The following H2BC18 variants were observed in gnomAD, a reference collection of about 807,000 sequenced individuals.
H2BC18 encodes the protein histone H2B type 2-F.
In H2BC18, 8 loss-of-function variants were observed where a neutral mutation model predicts 6.3. The ratio of observed to expected loss-of-function variants is 1.28; its 90% CI spans 0.75 to 2.31. The LOEUF (loss-of-function observed/expected upper bound fraction) is 2.31, where lower values mean the gene tolerates loss of function less well. Ranked by LOEUF, H2BC18 falls within the 30% of genes most tolerant of loss-of-function variation. H2BC18 has a pLI of 0.00. For synonymous variants in H2BC18, 104 were observed against 78.1 expected, an observed-to-expected ratio of 1.33 and a Z score of -1.75; for missense variants, 106 against 174.5, an observed-to-expected ratio of 0.61 and a Z score of 2.21.
intron 1 of H2BC18, chr1:149,792,747 C>A (rs2091743288): frequency 7.8e-7 from 1 of 1,283,950 alleles, no homozygotes; most frequent in Non-Finnish European, 1.0e-6. Flanking sequence ...CCGCCAAAAC[C>A]CAGTGAGAAA....
chr1:149,809,667 A>C (rs2091953905), downstream of H2BC18, among the ~76,000 whole-genome samples: 1 of 143,858 alleles, frequency 7.0e-6, no homozygotes. Context: ...AAAAACAAGA[A>C]AAAGAAATTG....
chr1:149,784,184 T>A, intron 1 of H2BC18: 1 of 1,611,434 alleles, frequency 6.2e-7, no homozygotes, highest in Non-Finnish European at 8.5e-7. Flanking sequence ...CCAGTGTCAA[T>A]GACAGTGGTG....
chr1:149,812,195 G>C lies in H2BC18; in HGVS notation c.129C>G (p.Tyr43Ter), dbSNP rs2457472. The change falls in exon 1 of 1, where the codon TAC becomes TAG. Residue 43 changes from tyrosine (Y) to a stop codon, truncating the protein, a stop_gained. Transcript: ENST00000369167. LOFTEE classifies it high-confidence loss of function. Reference sequence around the variant, plus strand: ...CGGGGTGGACCTGCTTCAGCACCTTGTACACGTAAACGGAGTAGCTCTCCT... The same window carrying C: ...CGGGGTGGACCTGCTTCAGCACCTTCTACACGTAAACGGAGTAGCTCTCCT... ...SRKESYSVYVYKVLKQVHPDT... is the reference protein window; with the variant it reads ...SRKESYSVYV 1.2e-6 allele frequency: 2 copies of C among 1,614,162 alleles called. No homozygotes were observed. The highest frequency in any genetic ancestry group is 2.2e-5 in the East Asian group (1 of 44,896).
At chr1:149,801,882 C>T (rs1280919319) in intron 1 of H2BC18, among the ~76,000 whole-genome samples, 2 of 152,072 alleles carry the variant, frequency 1.3e-5, no homozygotes, top group Admixed American at 1.3e-4. Flanking sequence ...TCCCCCCTCC[C>T]CACTATAAAT....
downstream of H2BC18, among the ~76,000 whole-genome samples, chr1:149,807,610 A>G (rs1264049050): frequency 2.7e-5 from 4 of 149,984 alleles, no homozygotes; most frequent in Non-Finnish European, 5.9e-5. Flanking sequence ...GTTCGAGACC[A>G]GCCTGGCCAA....
chr1:149,806,359 G>A (rs587649387), intron 1 of H2BC18, among the ~76,000 whole-genome samples: 61 of 152,276 alleles, frequency 4.0e-4, no homozygotes, highest in African/African-American at 9.9e-4. Flanking sequence ...TTGGGAGGCC[G>A]AGGTGGGTGG....
chr1:149,812,116 T>C lies in H2BC18; in HGVS notation c.208A>G (p.Ile70Val), dbSNP rs782297836. 17 of 1,614,252 alleles carry C rather than the reference T, an allele frequency of 1.1e-5. No homozygotes were observed. The Admixed American group carries it at 2.2e-4, about 21-fold the overall frequency. ...MGIMNSFVND[I>V]FERIAGEASR... ...GCCTCTCCCGCGATGCGCTCGAAGA[T>C]GTCGTTGACGAAGGAGTTCATGATG... Residue 70 changes from isoleucine (I) to valine (V), a missense_variant, in exon 1 of 1, where the codon ATC becomes GTC. Physicochemically the swap from Ile to Val is conservative, Grantham distance 29 (BLOSUM62 3). Coordinates refer to ENST00000369167, the MANE Select transcript of H2BC18 (RefSeq NM_001024599.5).
At chr1:149,802,215 T>C (rs2788795) in intron 1 of H2BC18, among the ~76,000 whole-genome samples, 32 of 152,162 alleles carry the variant, frequency 2.1e-4, no homozygotes, top group East Asian at 7.7e-4. Context: ...AAAAGATCCA[T>C]GAAAAATCTC....
At chr1:149,786,279 TTGTC>T (rs1169704544) in intron 1 of H2BC18, 3 of 152,230 alleles carry the variant, frequency 2.0e-5, no homozygotes, top group East Asian at 3.8e-4. Context: ...AATTTTTCTA[TTGTC>T]TGTCTTTTTC....
At chr1:149,794,059 C>T (rs781898353) in intron 1 of H2BC18, 1 of 545,902 alleles carries the variant, frequency 1.8e-6, no homozygotes, top group South Asian at 1.5e-5. Flanking sequence ...TCACTGCCAC[C>T]AGGCTTAGTT....
At chr1:149,786,417 A>G (rs587594027) in intron 1 of H2BC18, 7 of 152,282 alleles carry the variant, frequency 4.6e-5, no homozygotes, top group African/African-American at 1.7e-4. Context: ...TTTGTTTTCA[A>G]TGAACAAGAC....
chr1:149,785,904 T>C (rs1219909311), intron 1 of H2BC18: 1 of 152,116 alleles, frequency 6.6e-6, no homozygotes, highest in Non-Finnish European at 1.5e-5. Context: ...TGGGACAGGA[T>C]GTACTCTTTT....
chr1:149,807,943 A>G (rs1281916653), downstream of H2BC18, among the ~76,000 whole-genome samples: 2 of 152,240 alleles, frequency 1.3e-5, no homozygotes, highest in Non-Finnish European at 2.9e-5. Flanking sequence ...TATGATGTGC[A>G]TAAATTGTTT....
chr1:149,811,191 C>T (rs1571424521), downstream of H2BC18: 1 of 152,254 alleles, frequency 6.6e-6, no homozygotes, highest in Non-Finnish European at 1.5e-5. Context: ...TCTTTGTCCC[C>T]CCAGAGGACT....
chr1:149,806,594 CA>C (rs781839663), intron 1 of H2BC18, among the ~76,000 whole-genome samples: 104 of 130,432 alleles, frequency 8.0e-4, no homozygotes, highest in East Asian at 1.1e-3. Context: ...GACTCCGTCT[CA>C]AAAAAAAAAA....
At chr1:149,803,053 C>T (rs1420183565) in intron 1 of H2BC18, among the ~76,000 whole-genome samples, 2 of 152,202 alleles carry the variant, frequency 1.3e-5, no homozygotes, top group South Asian at 2.1e-4. Context: ...GCTATCTAGG[C>T]ATCCTTTAAT....
chr1:149,796,916 TTTTG>T (rs1188719292), intron 1 of H2BC18, among the ~76,000 whole-genome samples: 1 of 152,180 alleles, frequency 6.6e-6, no homozygotes, highest in Non-Finnish European at 1.5e-5. Context: ...CTGGGCTTGC[TTTTG>T]TTTGTTTTTT....
intron 1 of H2BC18, chr1:149,785,619 C>T (rs2091528391): frequency 2.6e-5 from 4 of 151,722 alleles, no homozygotes. Context: ...TCTACACAGA[C>T]TCTAGGACAC....
At chr1:149,792,229 T>C in intron 1 of H2BC18, 1 of 176,002 alleles carries the variant, frequency 5.7e-6, no homozygotes, top group Non-Finnish European at 1.2e-5. Flanking sequence ...AACTGTTCTG[T>C]TTGTTTAACG....
Sources: allele counts gnomAD v4.1 joint callset (sites outside exome capture counted in the v4.1 genomes callset), GRCh38; gene constraint gnomAD v4.1.1; transcripts MANE v1.5; gene names NCBI Gene and HGNC (gene_info 2026-07-23, HGNC 2026-07-21).